Variants in IFNGR1 observed in about 807,000 individuals in gnomAD.
IFNGR1 encodes the protein AVP, type 2.
IFNGR1 carries 23 observed loss-of-function variants against 35.4 expected under a neutral mutation model. That is an observed-to-expected ratio of 0.65 (90% confidence interval 0.47 to 0.92). The LOEUF (loss-of-function observed/expected upper bound fraction) is 0.92. Among genes scored for constraint, IFNGR1 ranks in the 40% least tolerant of loss-of-function variants. IFNGR1 has a pLI of 0.00. For synonymous variants in IFNGR1, 199 were observed against 209.5 expected (o/e 0.95, Z 0.43); for missense variants, 533 against 583.4 (o/e 0.91, Z 0.89).
chr6:137,219,242 C>A lies in IFNGR1; in HGVS notation c.85+1G>T. The A allele has an allele frequency of 6.2e-7, 1 of 1,608,948 alleles. No individual in the cohort carries two copies. The highest frequency in any genetic ancestry group is 1.3e-5 in the African/African-American group (1 of 75,012). On this transcript the variant is annotated splice_donor_variant, in intron 1 of 6. Coordinates refer to ENST00000367739, the MANE Select transcript of IFNGR1 (RefSeq NM_000416.3). LOFTEE classifies it high-confidence loss of function. ...CGCAGCCCTGCCGCGAACGACGGTA[C>A]CTGAGGACGGCCCCAGATCCGCGGT...
At chr6:137,211,721 CT>C (rs572477093) in intron 1 of IFNGR1, among the ~76,000 whole-genome samples, 6 of 152,226 alleles carry the variant, frequency 3.9e-5, no homozygotes, top group Admixed American at 1.3e-4. Context: ...TTAAGAGGGT[CT>C]TTTTTCTATC....
chr6:137,204,329 T>TA lies in IFNGR1; in HGVS notation c.546+2dup. The TA allele has an allele frequency of 6.2e-7, 1 of 1,612,482 alleles. No individual in the cohort carries two copies. The highest frequency in any genetic ancestry group is 8.5e-7 in the Non-Finnish European group (1 of 1,178,522). ...TCCATTATGAAAAATGTGAAACACATACCTCACTTCCGTTCATTCTCACAT... is the reference window on the plus strand; with the variant it reads ...TCCATTATGAAAAATGTGAAACACATAACCTCACTTCCGTTCATTCTCACAT... On this transcript the variant is annotated splice_region_variant and intron_variant, in intron 4 of 6. Transcript: ENST00000367739.
At chr6:137,217,919 C>G (rs750308960) in intron 1 of IFNGR1, among the ~76,000 whole-genome samples, 2 of 152,198 alleles carry the variant, frequency 1.3e-5, no homozygotes, top group African/African-American at 4.8e-5. Context: ...CTCTGCACCT[C>G]TGGTTCCAAC....
At chr6:137,215,132 C>T in intron 1 of IFNGR1, 3 of 1,087,832 alleles carry the variant, frequency 2.8e-6, no homozygotes, top group Non-Finnish European at 3.9e-6. Flanking sequence ...TGTTACCATA[C>T]ATATTTTACC....
Position 137,198,006 on chromosome 6 carries a change from C to T in IFNGR1, c.*25G>A. The T allele has an allele frequency of 6.2e-7, 1 of 1,613,650 alleles. No individual in the cohort carries two copies. The highest frequency in any genetic ancestry group is 1.3e-5 in the African/African-American group (1 of 75,038). ...AAAACTGTCCAGGAAAATCAGACTT[C>T]AAAGTTGGTGCAACTTAGCTGATCT... On this transcript the variant is annotated 3_prime_UTR_variant, in exon 7 of 7. Transcript: ENST00000367739.
intron 4 of IFNGR1, 81 bp from the exon 5 acceptor site, chr6:137,203,766 T>A: frequency 1.8e-6 from 2 of 1,106,684 alleles, no homozygotes; most frequent in Non-Finnish European, 2.7e-6. Context: ...TTAGTCCTGG[T>A]CAAACAACTG....
In IFNGR1 at chr6:137,198,209, G is replaced by T. The variant is rs780820310; in HGVS notation, c.1292C>A (p.Pro431His). The T allele has an allele frequency of 6.2e-7, 1 of 1,614,058 alleles. No individual in the cohort carries two copies. The highest frequency in any genetic ancestry group is 1.3e-5 in the African/African-American group (1 of 75,010). Residue 431 changes from proline to histidine, a missense_variant, in exon 7 of 7, where the codon CCC becomes CAC. Physicochemically the swap from Pro to His is moderately conservative, Grantham distance 77. Transcript: ENST00000367739. ...SHSSLSDSEFPPNNKGEIKTE... is the reference protein window; with the variant it reads ...SHSSLSDSEFHPNNKGEIKTE... ...TTTTATTTCACCTTTATTATTTGGG[G>T]GAAATTCTGAGTCAGATAAGGAGCT...
intron 1 of IFNGR1, among the ~76,000 whole-genome samples, chr6:137,208,492 T>TGTGCAGC (rs1259865223): frequency 3.3e-5 from 5 of 152,204 alleles, no homozygotes; most frequent in Non-Finnish European, 5.9e-5. Flanking sequence ...CCCCGTGCTG[T>TGTGCAGC]GTGCAGCCTA....
At chr6:137,217,234 C>T (rs1245788808) in intron 1 of IFNGR1, among the ~76,000 whole-genome samples, 1 of 152,326 alleles carries the variant, frequency 6.6e-6, no homozygotes, top group South Asian at 2.1e-4. Context: ...TGTTTACCCT[C>T]AAACTATTTT....
chr6:137,206,684 ATACAC>A, intron 2 of IFNGR1: 1 of 437,522 alleles, frequency 2.3e-6, no homozygotes, highest in Non-Finnish European at 4.0e-6. Context: ...TCTACTAAAA[ATACAC>A]TACAGGAAGA....
chr6:137,218,740 T>TC, intron 1 of IFNGR1: 1 of 350,106 alleles, frequency 2.9e-6, no homozygotes, highest in Non-Finnish European at 5.7e-6. Flanking sequence ...GGCAATTTCT[T>TC]CGGGCAGTAG....
chr6:137,212,658 T>C (rs1437993268), intron 1 of IFNGR1, among the ~76,000 whole-genome samples: 1 of 152,204 alleles, frequency 6.6e-6, no homozygotes, highest in Non-Finnish European at 1.5e-5. Flanking sequence ...TCAATCTGCA[T>C]ACTAGAATAT....
chr6:137,209,939 C>A, intron 1 of IFNGR1: 2 of 398,648 alleles, frequency 5.0e-6, no homozygotes, highest in Non-Finnish European at 8.8e-6. Flanking sequence ...ACATACCCAA[C>A]ATTTCTTCTT....
Position 137,197,848 on chromosome 6 carries a change from G to C in IFNGR1, c.*183C>G. The C allele has an allele frequency of 3.1e-6, 2 of 653,976 alleles. No homozygotes were observed. The highest frequency in any genetic ancestry group is 1.9e-5 in the South Asian group (1 of 51,440). The allele number at this position is 653,976 out of a possible 1,614,324, so 40.5% of individuals were successfully genotyped here. A position where few individuals can be genotyped will look rare whatever the true frequency, so the allele number is the denominator to read the frequency against. ...TTTGTTTAAAAAAAAAAAAAAGTCT[G>C]TACTTTACAAGCCAAAAGTGAAAAT... is the stretch of plus-strand genomic sequence containing the variant. On this transcript the variant is annotated 3_prime_UTR_variant, in exon 7 of 7. Transcript: ENST00000367739.
intron 5 of IFNGR1, 112 bp downstream of exon 5, chr6:137,203,387 G>A: frequency 1.4e-6 from 1 of 717,758 alleles, no homozygotes; most frequent in South Asian, 1.5e-5. Context: ...TAATGCAAAT[G>A]AATATTGTTA....
intron 1 of IFNGR1, chr6:137,218,302 T>C: frequency 2.5e-6 from 1 of 402,878 alleles, no homozygotes; most frequent in Non-Finnish European, 4.9e-6. Context: ...AAAACTGAAT[T>C]GAAAAGGTTT....
In IFNGR1 at chr6:137,219,341, G is replaced by T. The variant is rs751896065; in HGVS notation, c.-14C>A. On this transcript the variant is annotated 5_prime_UTR_variant, in exon 1 of 7. Transcript: ENST00000367739. ...GAGGAGAGCCATGCTGCTACCGACG[G>T]TCGCTGGCTCCAACCCCGAGCGCCT... 1.3e-6 allele frequency: 2 copies of T among 1,596,318 alleles called. No homozygotes were observed. Among genetic ancestry groups the T allele is most frequent in the South Asian group, 2.3e-5 (2 of 88,064 alleles).
At chr6:137,204,585 T>C in intron 3 of IFNGR1, 81 bp from the exon 4 acceptor site, 1 of 1,136,110 alleles carries the variant, frequency 8.8e-7, no homozygotes, top group Non-Finnish European at 1.3e-6. Context: ...CCAGAATCTA[T>C]CAATCAACCT....
chr6:137,212,141 T>C (rs1025248270), intron 1 of IFNGR1, among the ~76,000 whole-genome samples: 1 of 152,156 alleles, frequency 6.6e-6, no homozygotes, highest in African/African-American at 2.4e-5. Flanking sequence ...TCCTCAGACA[T>C]TCTCTACTTT....
Sources: allele counts gnomAD v4.1 joint callset (sites outside exome capture counted in the v4.1 genomes callset), GRCh38; gene constraint gnomAD v4.1.1; transcripts MANE v1.5; gene names NCBI Gene and HGNC (gene_info 2026-07-23, HGNC 2026-07-21).